Variants in LONP2 observed in about 807,000 individuals in gnomAD.
LONP2 encodes the protein lon peptidase 2, peroxisomal.
LONP2 carries 60 observed loss-of-function variants against 85.6 expected under a neutral mutation model. The observed-to-expected ratio is 0.70, with a 90% confidence interval of 0.57 to 0.87. The LOEUF (loss-of-function observed/expected upper bound fraction) is 0.87, where lower values mean the gene tolerates loss of function less well. LONP2 is among the 40% of genes least tolerant of loss of function. The pLI is 0.00. For missense variants in LONP2, 860 were observed against 1,063.5 expected, an observed-to-expected ratio of 0.81 and a Z score of 2.66; for synonymous variants, 395 against 389.7, an observed-to-expected ratio of 1.01 and a Z score of -0.16.
At chr16:48,337,142 GT>G (rs1258870938) in intron 12 of LONP2, among the ~76,000 whole-genome samples, 1 of 152,244 alleles carries the variant, frequency 6.6e-6, no homozygotes, top group African/African-American at 2.4e-5. Context: ...GTAAGTGGCA[GT>G]TGGTAGAGTT....
chr16:48,343,666 C>A (rs1959882683), intron 12 of LONP2: 1 of 151,872 alleles, frequency 6.6e-6, no homozygotes, highest in Non-Finnish European at 1.5e-5. Context: ...CCATTGCACT[C>A]CAGCCTGGGT....
rs1002228096 is a variant in LONP2, at chr16:48,348,383, A to G, written c.2337+93A>G. On this transcript the variant is annotated intron_variant, in intron 14 of 14. Coordinates refer to ENST00000285737, the MANE Select transcript of LONP2 (RefSeq NM_031490.5). The stretch of plus-strand genomic sequence containing the variant: ...AATACGGGTTTGCCTTCTTTCTATG[A>G]AAACCTTGGTTTTAAGTATATATTA... The G allele has an allele frequency of 3.8e-6, 3 of 789,670 alleles. No individual in the cohort carries two copies. The African/African-American group carries it at 5.4e-5, about 14-fold the overall frequency. The allele number at this position is 789,670 out of a possible 1,614,324, so 48.9% of individuals were successfully genotyped here. A position where few individuals can be genotyped will look rare whatever the true frequency, so the allele number is the denominator to read the frequency against.
At chr16:48,298,626 G>GGTGTGTGT (rs3138605) in intron 9 of LONP2, among the ~76,000 whole-genome samples, 10,029 of 134,230 alleles carry the variant, frequency 0.075, 447 homozygotes, top group Non-Finnish European at 0.09. Context: ...ATTTAATTGA[G>GGTGTGTGT]GTGTGTGTGT....
intron 11 of LONP2, among the ~76,000 whole-genome samples, chr16:48,331,781 G>C (rs1300445166): frequency 6.6e-6 from 1 of 152,118 alleles, no homozygotes; most frequent in East Asian, 1.9e-4. Flanking sequence ...AGCCAGGATG[G>C]TCTCGATCTC....
chr16:48,297,577 G>T (rs1972701729), intron 9 of LONP2, among the ~76,000 whole-genome samples: 1 of 152,212 alleles, frequency 6.6e-6, no homozygotes, highest in African/African-American at 2.4e-5. Flanking sequence ...CCAAAGTGCT[G>T]GGATTACAGG....
Position 48,244,577 on chromosome 16 carries a change from G to T in LONP2, c.189G>T (p.Thr63=), listed in dbSNP as rs183194774. 2.7e-6 allele frequency: 4 copies of T among 1,502,796 alleles called. No individual in the cohort carries two copies. Among genetic ancestry groups the T allele is most frequent in the East Asian group, 2.8e-5 (1 of 36,004 alleles). The allele number at this position is 1,502,796 out of a possible 1,614,324, so 93.1% of individuals were successfully genotyped here. A position where few individuals can be genotyped will look rare whatever the true frequency, so the allele number is the denominator to read the frequency against. The change falls in exon 1 of 15, where the codon ACG becomes ACT. Residue 63 remains threonine, a synonymous_variant. Transcript: ENST00000285737. ...CCATCCTGGGCGTCATCCCCAACAC[G>T]CCTGACCCCGCCAGCGACGCGCAGG... ...QSTILGVIPN[T]PDPASDAQDL...
At chr16:48,334,477 G>T in intron 12 of LONP2, 119 bp downstream of exon 12, 3 of 1,280,018 alleles carry the variant, frequency 2.3e-6, no homozygotes, top group South Asian at 2.5e-5. Flanking sequence ...AGCCTTATTC[G>T]ACCTTCTTTT....
intron 8 of LONP2, among the ~76,000 whole-genome samples, chr16:48,278,603 CTT>C (rs1972263886): frequency 1.3e-5 from 2 of 152,326 alleles, no homozygotes; most frequent in East Asian, 3.8e-4. Context: ...CTCCATTTTA[CTT>C]CACTTTCCCA....
In LONP2 at chr16:48,356,170, T is replaced by C. The variant is rs1033562790; in HGVS notation, c.*4368T>C. The C allele has an allele frequency of 6.6e-6, 1 of 152,206 alleles. No individual in the cohort carries two copies. Among genetic ancestry groups the C allele is most frequent in the Non-Finnish European group, 1.5e-5 (1 of 68,050 alleles). 9.4% of individuals were successfully genotyped at this position (152,206 alleles called of 1,614,324 possible). Reference sequence around the variant, plus strand: ...CGAGAAATCCATGACCGTAAAGTACTGTGATAGTGATGTCTACCACTGTGA... The same window carrying C: ...CGAGAAATCCATGACCGTAAAGTACCGTGATAGTGATGTCTACCACTGTGA... On this transcript the variant is annotated 3_prime_UTR_variant, in exon 15 of 15. Coordinates refer to ENST00000285737, the MANE Select transcript of LONP2 (RefSeq NM_031490.5).
At chr16:48,319,386 A>G (rs1202219454) in intron 11 of LONP2, among the ~76,000 whole-genome samples, 1 of 152,112 alleles carries the variant, frequency 6.6e-6, no homozygotes, top group African/African-American at 2.4e-5. Context: ...TCTCAAAAAA[A>G]ATAAAAAGTA....
chr16:48,295,937 A>G lies in LONP2; in HGVS notation c.1384-78A>G, dbSNP rs141760961. The G allele has an allele frequency of 1.5e-5, 21 of 1,355,590 alleles. No individual in the cohort carries two copies. The African/African-American group carries it at 2.3e-4, about 15-fold the overall frequency. The allele number at this position is 1,355,590 out of a possible 1,614,324, so 84.0% of individuals were successfully genotyped here. ...GCAGAAATACCAACCTTGCCAGTAC[A>G]TCATGTGTGTTTTCACTTATATACA... On this transcript the variant is annotated intron_variant, in intron 8 of 14. Coordinates refer to ENST00000285737, the MANE Select transcript of LONP2 (RefSeq NM_031490.5).
chr16:48,299,320 C>T (rs1972748280), intron 9 of LONP2, among the ~76,000 whole-genome samples: 1 of 151,976 alleles, frequency 6.6e-6, no homozygotes, highest in African/African-American at 2.4e-5. Flanking sequence ...AGCAGTGACT[C>T]ATGCCTATAA....
intron 11 of LONP2, among the ~76,000 whole-genome samples, chr16:48,322,328 T>A (rs995946769): frequency 5.3e-5 from 8 of 152,212 alleles, no homozygotes; most frequent in African/African-American, 7.2e-5. Context: ...TAAGCTTTTT[T>A]AAAAATTGTT....
chr16:48,305,978 A>G (rs1258243140), intron 11 of LONP2, among the ~76,000 whole-genome samples: 3 of 152,332 alleles, frequency 2.0e-5, no homozygotes, highest in East Asian at 3.9e-4. Context: ...GGGAGTACCT[A>G]TCAAGGGTGG....
intron 2 of LONP2, among the ~76,000 whole-genome samples, chr16:48,255,808 C>T (rs190234048): frequency 8.5e-5 from 13 of 152,192 alleles, no homozygotes; most frequent in African/African-American, 3.1e-4. Context: ...TAAGACAGGC[C>T]TTTGCTTCTC....
At chr16:48,264,102 A>G (rs1453461723) in intron 6 of LONP2, among the ~76,000 whole-genome samples, 4 of 152,208 alleles carry the variant, frequency 2.6e-5, no homozygotes, top group Non-Finnish European at 5.9e-5. Flanking sequence ...TCACAGGACC[A>G]CAGCTCCGAG....
intron 12 of LONP2, among the ~76,000 whole-genome samples, chr16:48,341,621 G>A (rs546396224): frequency 6.6e-6 from 1 of 152,294 alleles, no homozygotes; most frequent in African/African-American, 2.4e-5. Flanking sequence ...GAGATTTGGT[G>A]GAGACACAGA....
At chr16:48,261,386 T>A in intron 4 of LONP2, 38 bp from the exon 5 acceptor site, 1 of 1,490,458 alleles carries the variant, frequency 6.7e-7, no homozygotes, top group Non-Finnish European at 9.0e-7. Context: ...TCCAATTTAT[T>A]TTGACATACG....
Position 48,355,492 on chromosome 16 carries a change from T to C in LONP2, c.*3690T>C, listed in dbSNP as rs1334206929. 6.6e-6 allele frequency: 1 copy of C among 152,186 alleles called. No homozygotes were observed. The highest frequency in any genetic ancestry group is 1.9e-4 in the East Asian group (1 of 5,196). The allele number at this position is 152,186 out of a possible 1,614,324, so 9.4% of individuals were successfully genotyped here. A position where few individuals can be genotyped will look rare whatever the true frequency, so the allele number is the denominator to read the frequency against. ...TTCACAACTATGAGAAATAAATTCG[T>C]ACTTTTAAATTACCCAGTCTCAGGT... is the stretch of plus-strand genomic sequence containing the variant. On this transcript the variant is annotated 3_prime_UTR_variant, in exon 15 of 15. Transcript: ENST00000285737.
Sources: allele counts gnomAD v4.1 joint callset (sites outside exome capture counted in the v4.1 genomes callset), GRCh38; gene constraint gnomAD v4.1.1; transcripts MANE v1.5; gene names NCBI Gene and HGNC (gene_info 2026-07-23, HGNC 2026-07-21).